The following MARCHF11 variants were observed in gnomAD, a reference collection of about 807,000 sequenced individuals.
The protein encoded by MARCHF11 is E3 ubiquitin-protein ligase MARCHF11.
A neutral mutation model predicts 37.3 loss-of-function variants in MARCHF11; 29 were observed. That is an observed-to-expected ratio of 0.78 (90% CI 0.58 to 1.06). The LOEUF (loss-of-function observed/expected upper bound fraction) is 1.06, where lower values mean the gene tolerates loss of function less well. Ranked by LOEUF, MARCHF11 falls within the 50% of genes least tolerant of loss-of-function variation. MARCHF11 has a pLI of 0.00. For missense variants in MARCHF11, 482 were observed against 533.4 expected, an observed-to-expected ratio of 0.90 and a Z score of 0.95; for synonymous variants, 233 against 228.0, an observed-to-expected ratio of 1.02 and a Z score of -0.20.
chr5:16,158,850 C>T (rs953158124), intron 2 of MARCHF11, among the ~76,000 whole-genome samples: 3 of 152,012 alleles, frequency 2.0e-5, no homozygotes, highest in Admixed American at 1.3e-4. Flanking sequence ...TTTCCTGATG[C>T]TCTTCTTCCC....
intron 3 of MARCHF11, among the ~76,000 whole-genome samples, chr5:16,085,727 T>C (rs1030870033): frequency 6.6e-6 from 1 of 151,632 alleles, no homozygotes; most frequent in Non-Finnish European, 1.5e-5. Context: ...CCAAGGTGGG[T>C]GGATCACGAG....
chr5:16,143,035 CG>C (rs1251880065), intron 2 of MARCHF11, among the ~76,000 whole-genome samples: 1 of 151,914 alleles, frequency 6.6e-6, no homozygotes, highest in African/African-American at 2.4e-5. Flanking sequence ...CCACCATTCC[CG>C]GCCATATTTT....
chr5:16,081,801 A>G (rs1736614260), intron 3 of MARCHF11, among the ~76,000 whole-genome samples: 1 of 152,232 alleles, frequency 6.6e-6, no homozygotes, highest in Non-Finnish European at 1.5e-5. Flanking sequence ...ACAGAGTCAA[A>G]TAAGAGCAAA....
At chr5:16,095,606 T>C (rs1459655838) in intron 2 of MARCHF11, among the ~76,000 whole-genome samples, 1 of 152,218 alleles carries the variant, frequency 6.6e-6, no homozygotes, top group Non-Finnish European at 1.5e-5. Context: ...TTCCTCAGCA[T>C]GCAACGTCTG....
intron 2 of MARCHF11, among the ~76,000 whole-genome samples, chr5:16,102,745 G>A (rs1355171753): frequency 1.8e-4 from 27 of 152,146 alleles, no homozygotes; most frequent in Admixed American, 1.7e-3. Flanking sequence ...CCAGGTGCAG[G>A]TCAAGAGGCT....
intron 2 of MARCHF11, among the ~76,000 whole-genome samples, chr5:16,165,049 G>T (rs1738146411): frequency 6.6e-6 from 1 of 151,982 alleles, no homozygotes; most frequent in African/African-American, 2.4e-5. Context: ...CAGCCACATG[G>T]TCTTTTTATT....
At chr5:16,146,946 A>G (rs547699318) in intron 2 of MARCHF11, among the ~76,000 whole-genome samples, 22 of 152,310 alleles carry the variant, frequency 1.4e-4, no homozygotes, top group African/African-American at 5.3e-4. Flanking sequence ...AAAATCTTAA[A>G]GAGACTGAGA....
At chr5:16,130,589 G>A (rs953507797) in intron 2 of MARCHF11, among the ~76,000 whole-genome samples, 26 of 152,016 alleles carry the variant, frequency 1.7e-4, no homozygotes, top group Non-Finnish European at 2.4e-4. Context: ...AAATTCTCTT[G>A]GTGATGGCAT....
At chr5:16,074,903 A>G (rs144701042) in intron 3 of MARCHF11, among the ~76,000 whole-genome samples, 4 of 152,210 alleles carry the variant, frequency 2.6e-5, no homozygotes, top group African/African-American at 9.6e-5. Flanking sequence ...TGTTCATTCT[A>G]TGACACTGAC....
chr5:16,067,353 A>G lies in MARCHF11; in HGVS notation c.*118T>C. ...TTGCAATTCAAATGTTCATATAAAA[A>G]GCATAAATTTTAAAAAGTTCATAGA... is the stretch of plus-strand genomic sequence containing the variant. On this transcript the variant is annotated 3_prime_UTR_variant, in exon 4 of 4. Coordinates refer to ENST00000332432, the MANE Select transcript of MARCHF11 (RefSeq NM_001102562.3). 1 of 900,192 alleles carries G rather than the reference A, an allele frequency of 1.1e-6. No individual in the cohort carries two copies. Among genetic ancestry groups the G allele is most frequent in the Non-Finnish European group, 1.7e-6 (1 of 594,018 alleles). 55.8% of individuals were successfully genotyped at this position (900,192 alleles called of 1,614,324 possible).
chr5:16,081,728 T>A (rs548255282), intron 3 of MARCHF11, among the ~76,000 whole-genome samples: 312 of 152,294 alleles, frequency 2.0e-3, no homozygotes, highest in African/African-American at 6.6e-3. Flanking sequence ...AACTCAACAA[T>A]AACATATTTG....
At chr5:16,120,046 G>A (rs938298436) in intron 2 of MARCHF11, among the ~76,000 whole-genome samples, 1 of 152,212 alleles carries the variant, frequency 6.6e-6, no homozygotes, top group African/African-American at 2.4e-5. Flanking sequence ...TGTGCAGCAG[G>A]CCAGGAACAG....
intron 2 of MARCHF11, among the ~76,000 whole-genome samples, chr5:16,153,057 C>T (rs1313260784): frequency 1.3e-5 from 2 of 152,098 alleles, no homozygotes; most frequent in South Asian, 2.1e-4. Flanking sequence ...TGATCCTACC[C>T]TCTGCTTCAC....
At chr5:16,144,510 T>C (rs1415219226) in intron 2 of MARCHF11, among the ~76,000 whole-genome samples, 2 of 152,226 alleles carry the variant, frequency 1.3e-5, no homozygotes, top group East Asian at 3.9e-4. Flanking sequence ...ATGTGCTCAC[T>C]GATGTCTCCT....
intron 2 of MARCHF11, among the ~76,000 whole-genome samples, chr5:16,135,842 A>G (rs1737603714): frequency 1.3e-5 from 2 of 151,454 alleles, no homozygotes; most frequent in Non-Finnish European, 2.9e-5. Context: ...GACCACAGGA[A>G]AGAAAGGAAG....
chr5:16,128,124 C>A (rs1419341649), intron 2 of MARCHF11, among the ~76,000 whole-genome samples: 1 of 152,116 alleles, frequency 6.6e-6, no homozygotes, highest in African/African-American at 2.4e-5. Context: ...CTGAGGGTTC[C>A]ATCTGCTTCC....
Position 16,125,627 on chromosome 5 carries a change from G to C in MARCHF11, c.694-34546C>G, listed in dbSNP as rs896920513. ...GCACCCTGGCACACTCTCTGTGTGT[G>C]TGTGTGTGTGTGTGTGTGTGTGTGT... On this transcript the variant is annotated intron_variant, in intron 2 of 3. Coordinates refer to ENST00000332432, the MANE Select transcript of MARCHF11 (RefSeq NM_001102562.3). Among the ~76,000 whole-genome samples the C allele has an allele frequency of 9.5e-3, 332 of 34,880 alleles. 1 individual carries two copies. In the South Asian group the frequency reaches 0.13, roughly 14 times the overall value. 22.9% of individuals were successfully genotyped at this position (34,880 alleles called of 152,430 possible). A position where few individuals can be genotyped will look rare whatever the true frequency, so the allele number is the denominator to read the frequency against.
At chr5:16,110,460 A>G (rs1737117911) in intron 2 of MARCHF11, among the ~76,000 whole-genome samples, 1 of 152,226 alleles carries the variant, frequency 6.6e-6, no homozygotes, top group South Asian at 2.1e-4. Flanking sequence ...AGCAAAGAGC[A>G]GCATCTTCAT....
intron 2 of MARCHF11, among the ~76,000 whole-genome samples, chr5:16,155,747 A>G (rs542363284): frequency 7.2e-4 from 109 of 152,054 alleles, no homozygotes; most frequent in African/African-American, 2.4e-3. Context: ...CATTCCTACT[A>G]AGCACTTTGC....
Sources: allele counts gnomAD v4.1 joint callset (sites outside exome capture counted in the v4.1 genomes callset), GRCh38; gene constraint gnomAD v4.1.1; transcripts MANE v1.5; gene names NCBI Gene and HGNC (gene_info 2026-07-23, HGNC 2026-07-21).